ABCG1: variants seen among roughly 807,000 people sequenced by gnomAD.
The protein encoded by ABCG1 is ATP binding cassette subfamily G member 1, also known as ATP-binding cassette sub-family G member 1.
In ABCG1, 29 loss-of-function variants were observed where a neutral mutation model predicts 69.2. That is an observed-to-expected ratio of 0.42 (90% CI 0.31 to 0.57). The LOEUF (loss-of-function observed/expected upper bound fraction) is 0.57, where lower values mean the gene tolerates loss of function less well. Ranked by LOEUF, ABCG1 falls within the 20% of genes least tolerant of loss-of-function variation. ABCG1 has a pLI of 0.15. For missense variants in ABCG1, 718 were observed against 898.1 expected (o/e 0.80, Z 2.56); for synonymous variants, 370 against 374.8 (o/e 0.99, Z 0.15).
intron 2 of ABCG1, among the ~76,000 whole-genome samples, chr21:42,245,229 G>A (rs1339435172): frequency 6.6e-6 from 1 of 152,218 alleles, no homozygotes; most frequent in Non-Finnish European, 1.5e-5. Context: ...AAAAGCCACA[G>A]ATGGAAGAAC....
At chr21:42,211,221 G>T (rs903550461), upstream of ABCG1, among the ~76,000 whole-genome samples, 6 of 152,254 alleles carry the variant, frequency 3.9e-5, no homozygotes, top group South Asian at 1.2e-3. Flanking sequence ...GGCTCCCAAA[G>T]TGCTGGCATT....
Position 42,291,046 on chromosome 21 carries a change from C to A in ABCG1, c.1394-46C>A. 2 of 1,472,134 alleles carry A rather than the reference C, an allele frequency of 1.4e-6. No homozygotes were observed. The highest frequency in any genetic ancestry group is 1.9e-6 in the Non-Finnish European group (2 of 1,053,668). 91.2% of individuals were successfully genotyped at this position (1,472,134 alleles called of 1,614,324 possible). On this transcript the variant is annotated intron_variant, in intron 11 of 14. Transcript: ENST00000398449. This position sits in a 1 kb window ranked among gnomAD's most constrained non-coding sequence, Gnocchi z 6.4. ...CCTGTTGGGATGTTAAACGGGCTCG[C>A]TGCACATGGTCACTGACCCTTCTTT...
At chr21:42,237,789 G>A (rs1455484508) in intron 2 of ABCG1, among the ~76,000 whole-genome samples, 1 of 152,190 alleles carries the variant, frequency 6.6e-6, no homozygotes, top group Non-Finnish European at 1.5e-5. Flanking sequence ...TAAGCTTCAC[G>A]CAGGTGGTTT....
rs562072832 is a variant in ABCG1, at chr21:42,291,587, G to A, written c.1584G>A (p.Leu528=). Residue 528 remains leucine (L), a synonymous_variant, in exon 13 of 15, where the codon CTG becomes CTA. Coordinates refer to ENST00000398449, the MANE Select transcript of ABCG1 (RefSeq NM_016818.3). The surrounding 1 kb of genome is among the most constrained non-coding windows in gnomAD (Gnocchi z 6.4). The stretch of plus-strand genomic sequence containing the variant: ...TGCGCTTTGTGCTGTTTGCCGCGCT[G>A]GGCACCATGACCTCCCTGGTGGCAC... ...DAVRFVLFAA[L]GTMTSLVAQS... 3 of 1,612,190 alleles carry A rather than the reference G, an allele frequency of 1.9e-6. No homozygotes were observed. The East Asian group carries it at 6.7e-5, about 36-fold the overall frequency.
upstream of ABCG1, among the ~76,000 whole-genome samples, chr21:42,217,336 G>A (rs149380048): frequency 3.6e-3 from 551 of 152,260 alleles, 2 homozygotes; most frequent in African/African-American, 0.013. Context: ...ACCCTCACTT[G>A]CCCTGGCCAC....
chr21:42,291,009 A>T lies in ABCG1; in HGVS notation c.1394-83A>T, dbSNP rs2069047055. On this transcript the variant is annotated intron_variant, in intron 11 of 14. Coordinates refer to ENST00000398449, the MANE Select transcript of ABCG1 (RefSeq NM_016818.3). The surrounding 1 kb of genome is among the most constrained non-coding windows in gnomAD (Gnocchi z 6.4). ...GCCAGAGCTGGGTTACCAGCCGCTCAGCTCAAGATCGCCTGTTGGGATGTT... is the reference window on the plus strand; with the variant it reads ...GCCAGAGCTGGGTTACCAGCCGCTCTGCTCAAGATCGCCTGTTGGGATGTT... 3.1e-5 allele frequency: 31 copies of T among 1,008,906 alleles called. No individual in the cohort carries two copies. The highest frequency in any genetic ancestry group is 4.5e-5 in the Non-Finnish European group (29 of 647,734). The allele number at this position is 1,008,906 out of a possible 1,614,324, so 62.5% of individuals were successfully genotyped here.
intron 6 of ABCG1, 58 bp from the exon 7 acceptor site, chr21:42,284,502 G>A (rs1601445089): frequency 1.9e-6 from 3 of 1,594,090 alleles, no homozygotes; most frequent in East Asian, 4.5e-5. Context: ...CCCGGAACCT[G>A]GGGCAGTGGC....
intron 2 of ABCG1, among the ~76,000 whole-genome samples, chr21:42,258,589 T>C (rs2068349541): frequency 6.6e-6 from 1 of 150,996 alleles, no homozygotes; most frequent in East Asian, 2.0e-4. Flanking sequence ...GTGTATCCGG[T>C]TGAATTTTGG....
intron 10 of ABCG1, among the ~76,000 whole-genome samples, chr21:42,289,771 T>C (rs1239184707): frequency 6.6e-6 from 1 of 152,242 alleles, no homozygotes; most frequent in African/African-American, 2.4e-5. Context: ...TTAAATCTTT[T>C]ACAAAGGATA....
At chr21:42,212,443 G>A (rs1345821082), upstream of ABCG1, among the ~76,000 whole-genome samples, 1 of 152,148 alleles carries the variant, frequency 6.6e-6, no homozygotes, top group Non-Finnish European at 1.5e-5. Context: ...AGTATGGATG[G>A]TAAAGGCCAC....
chr21:42,291,342 G>A lies in ABCG1; in HGVS notation c.1494+150G>A, dbSNP rs1226135654. 7 of 1,214,338 alleles carry A rather than the reference G, an allele frequency of 5.8e-6. No individual in the cohort carries two copies. The highest frequency in any genetic ancestry group is 4.9e-5 in the East Asian group (2 of 40,446). The allele number at this position is 1,214,338 out of a possible 1,614,324, so 75.2% of individuals were successfully genotyped here. ...GAGCTGCGGGGAAGGGCCTGACTTC[G>A]GGAGCTGTGGCGGGAGCTGTGGGGA... On this transcript the variant is annotated intron_variant, in intron 12 of 14. Transcript: ENST00000398449. This position sits in a 1 kb window ranked among gnomAD's most constrained non-coding sequence, Gnocchi z 6.4.
At position 42,282,350 on chromosome 21, in the gene ABCG1, G is replaced by C; in HGVS notation, c.665G>C (p.Arg222Pro). The C allele has an allele frequency of 6.2e-7, 1 of 1,613,752 alleles. No individual in the cohort carries two copies. Among genetic ancestry groups the C allele is most frequent in the Non-Finnish European group, 8.5e-7 (1 of 1,180,020 alleles). Reference sequence around the variant, plus strand: ...ACCGGGAGCCTGTCAGGTGGTCAGCGCAAGCGCCTGGCCATCGCGCTGGAG... The same window carrying C: ...ACCGGGAGCCTGTCAGGTGGTCAGCCCAAGCGCCTGGCCATCGCGCTGGAG... ...TRTGSLSGGQ[R>P]KRLAIALELV... The change falls in exon 6 of 15, where the codon CGC becomes CCC. Residue 222 changes from arginine (R) to proline (P), a missense_variant. Coordinates refer to ENST00000398449, the MANE Select transcript of ABCG1 (RefSeq NM_016818.3).
chr21:42,259,654 C>A, intron 2 of ABCG1: 1 of 1,427,546 alleles, frequency 7.0e-7, no homozygotes, highest in Non-Finnish European at 9.2e-7. Context: ...GTTGCTAGAG[C>A]CACGTGTTTG....
chr21:42,215,556 A>G (rs1483828080), upstream of ABCG1, among the ~76,000 whole-genome samples: 1 of 152,204 alleles, frequency 6.6e-6, no homozygotes, highest in Non-Finnish European at 1.5e-5. Context: ...TCTAGAGGGA[A>G]GGAGCACATC....
chr21:42,229,941 C>A (rs2067876831), intron 2 of ABCG1, among the ~76,000 whole-genome samples: 1 of 152,170 alleles, frequency 6.6e-6, no homozygotes, highest in Non-Finnish European at 1.5e-5. Flanking sequence ...ATGATTTCCC[C>A]CAAAACATGG....
intron 2 of ABCG1, among the ~76,000 whole-genome samples, chr21:42,253,925 T>G (rs1256639581): frequency 1.3e-5 from 2 of 152,238 alleles, no homozygotes; most frequent in Non-Finnish European, 2.9e-5. Context: ...TTGATGTGAC[T>G]ATTCCCCATC....
chr21:42,213,421 G>C (rs1334477552), upstream of ABCG1, among the ~76,000 whole-genome samples: 1 of 152,282 alleles, frequency 6.6e-6, no homozygotes, highest in Non-Finnish European at 1.5e-5. Context: ...CTGGATTTCA[G>C]AGGATGCTTT....
At chr21:42,257,603 C>T (rs2068327186) in intron 2 of ABCG1, among the ~76,000 whole-genome samples, 1 of 152,218 alleles carries the variant, frequency 6.6e-6, no homozygotes, top group Non-Finnish European at 1.5e-5. Flanking sequence ...CTCCAGACTC[C>T]AGCCAGCCTC....
At chr21:42,236,522 T>C (rs1355506380) in intron 2 of ABCG1, among the ~76,000 whole-genome samples, 2 of 152,238 alleles carry the variant, frequency 1.3e-5, no homozygotes, top group Non-Finnish European at 2.9e-5. Flanking sequence ...TTTTGTGAAA[T>C]GTTAAACATT....
Sources: allele counts gnomAD v4.1 joint callset (sites outside exome capture counted in the v4.1 genomes callset), GRCh38; gene constraint gnomAD v4.1.1; non-coding constraint Gnocchi (gnomAD v3.1); transcripts MANE v1.5; gene names NCBI Gene and HGNC (gene_info 2026-07-23, HGNC 2026-07-21).